The following ZNF285 variants were observed in gnomAD, a reference collection of about 807,000 sequenced individuals.
ZNF285 encodes the protein zinc finger protein 285, also known as zinc finger protein 285A.
In ZNF285, 4 loss-of-function variants were observed where a neutral mutation model predicts 6.2. The ratio of observed to expected loss-of-function variants is 0.65; its 90% CI spans 0.32 to 1.49. The LOEUF (loss-of-function observed/expected upper bound fraction) is 1.49, where lower values mean the gene tolerates loss of function less well. ZNF285 is among the 40% of genes most tolerant of loss of function. ZNF285 has a pLI of 0.07. For synonymous variants in ZNF285, 240 were observed against 245.8 expected (o/e 0.98, Z 0.22); for missense variants, 695 against 708.8 (o/e 0.98, Z 0.22).
chr19:44,396,410 C>T (rs1971281258), intron 2 of ZNF285, among the ~76,000 whole-genome samples: 1 of 152,154 alleles, frequency 6.6e-6, no homozygotes, highest in East Asian at 1.9e-4. Flanking sequence ...CTTGGCTAAG[C>T]TACAGTCCTC....
chr19:44,395,380 G>T (rs1238564511), intron 2 of ZNF285, among the ~76,000 whole-genome samples: 1 of 152,068 alleles, frequency 6.6e-6, no homozygotes, highest in Non-Finnish European at 1.5e-5. Flanking sequence ...ACCAAACTTG[G>T]TTTCTGCAAC....
chr19:44,400,720 G>A (rs1971360992), intron 1 of ZNF285, among the ~76,000 whole-genome samples: 2 of 151,940 alleles, frequency 1.3e-5, no homozygotes, highest in African/African-American at 4.8e-5. Flanking sequence ...GACTACAGGC[G>A]CCTGCCACCG....
chr19:44,397,143 T>C, intron 2 of ZNF285, 56 bp downstream of exon 2: 2 of 1,611,744 alleles, frequency 1.2e-6, no homozygotes, highest in East Asian at 4.5e-5. Context: ...AAAACAGAAG[T>C]GTCTGGTTCC....
intron 3 of ZNF285, 29 bp downstream of exon 3, chr19:44,392,311 G>T (rs1317153859): frequency 6.2e-7 from 1 of 1,613,546 alleles, no homozygotes; most frequent in South Asian, 1.1e-5. Context: ...GAGGAAACAG[G>T]TCCAGTGGTC....
chr19:44,395,915 C>A (rs1971272827), intron 2 of ZNF285, among the ~76,000 whole-genome samples: 1 of 152,122 alleles, frequency 6.6e-6, no homozygotes, highest in South Asian at 2.1e-4. Flanking sequence ...ATATCCATGG[C>A]ATTGGCTTTA....
intron 2 of ZNF285, among the ~76,000 whole-genome samples, chr19:44,394,176 C>T (rs1434643815): frequency 6.6e-6 from 1 of 151,970 alleles, no homozygotes; most frequent in Non-Finnish European, 1.5e-5. Flanking sequence ...AAACCAAACA[C>T]CACATGTTCT....
intron 2 of ZNF285, among the ~76,000 whole-genome samples, chr19:44,394,182 G>A (rs917824814): frequency 8.6e-5 from 13 of 151,750 alleles, no homozygotes; most frequent in African/African-American, 3.2e-4. Context: ...AACACCACAT[G>A]TTCTCACTCA....
At chr19:44,400,287 T>C (rs1476903146) in intron 1 of ZNF285, among the ~76,000 whole-genome samples, 1 of 147,492 alleles carries the variant, frequency 6.8e-6, no homozygotes, top group African/African-American at 2.6e-5. Context: ...GATGCCCATA[T>C]CAACTTCTTC....
chr19:44,388,449 A>G (rs1395067220), intron 3 of ZNF285, among the ~76,000 whole-genome samples: 2 of 151,074 alleles, frequency 1.3e-5, no homozygotes, highest in Admixed American at 6.6e-5. Flanking sequence ...AGTTTTGCCT[A>G]TGATCCCAGC....
rs566750935 is a variant in ZNF285, at chr19:44,387,560, G to T, written c.685C>A (p.Pro229Thr). The T allele has an allele frequency of 6.2e-6, 10 of 1,613,942 alleles. No individual in the cohort carries two copies. The East Asian group carries it at 2.2e-4, about 36-fold the overall frequency. Residue 229 changes from proline to threonine, a missense_variant, in exon 4 of 4, where the codon CCA (proline) becomes ACA (threonine). Coordinates refer to ENST00000614994, the MANE Select transcript of ZNF285 (RefSeq NM_152354.6). Reference protein sequence around the residue: ...VEKRNAAHVLPQPFPCNNCGV... With the variant: ...VEKRNAAHVLTQPFPCNNCGV... ...CAGTTATTACATGGGAAAGGCTGTG[G>T]TAATACATGGGCCGCATTACGTTTT...
At chr19:44,388,566 T>C (rs1374131577) in intron 3 of ZNF285, among the ~76,000 whole-genome samples, 1 of 151,920 alleles carries the variant, frequency 6.6e-6, no homozygotes, top group Non-Finnish European at 1.5e-5. Context: ...AGCAAGACCT[T>C]TCCACCCCCA....
chr19:44,401,357 C>G (rs1265227101), intron 1 of ZNF285: 7 of 152,154 alleles, frequency 4.6e-5, no homozygotes, highest in Admixed American at 4.6e-4. Context: ...ACCGAGCCCA[C>G]GCTCGAGCCC....
chr19:44,388,146 T>G, intron 3 of ZNF285, 44 bp from the exon 4 acceptor site: 1 of 1,567,476 alleles, frequency 6.4e-7, no homozygotes, highest in East Asian at 2.2e-5. Flanking sequence ...AAGTCAATCA[T>G]CCATCCAGAG....
At position 44,387,800 on chromosome 19, in the gene ZNF285, A is replaced by G; in HGVS notation, c.445T>C (p.Ser149Pro). Residue 149 changes from serine (S) to proline (P), a missense_variant, in exon 4 of 4, where the codon TCG becomes CCG. Physicochemically the swap from Ser to Pro is moderately conservative, Grantham distance 74. Coordinates refer to ENST00000614994, the MANE Select transcript of ZNF285 (RefSeq NM_152354.6). Reference sequence around the variant, plus strand: ...GTCATTATGTTGGCTTTCCTCCACGATTCTGGGGTAAGAACCTGTGTCAGG... The same window carrying G: ...GTCATTATGTTGGCTTTCCTCCACGGTTCTGGGGTAAGAACCTGTGTCAGG... The part of the protein sequence containing the change: ...QSLTQVLTPE[S>P]WRKANIMTEP... 1 of 1,613,844 alleles carries G rather than the reference A, an allele frequency of 6.2e-7. No homozygotes were observed. Among genetic ancestry groups the G allele is most frequent in the Non-Finnish European group, 8.5e-7 (1 of 1,179,834 alleles).
chr19:44,384,583 T>C lies in ZNF285; in HGVS notation c.*1889A>G, dbSNP rs576690559. ...GAATGGCTGTTCTGTTTACAAACTA[T>C]AACTAGCAGGAAACTGTAATGCAAG... On this transcript the variant is annotated 3_prime_UTR_variant, in exon 4 of 4. Transcript: ENST00000614994. 1.3e-5 allele frequency: 2 copies of C among 152,064 alleles called. No individual in the cohort carries two copies. The highest frequency in any genetic ancestry group is 2.1e-4 in the South Asian group (1 of 4,822). The allele number at this position is 152,064 out of a possible 1,614,324, so 9.4% of individuals were successfully genotyped here. A position where few individuals can be genotyped will look rare whatever the true frequency, so the allele number is the denominator to read the frequency against.
chr19:44,388,172 A>C (rs1357459609), intron 3 of ZNF285, 70 bp from the exon 4 acceptor site: 1 of 1,422,352 alleles, frequency 7.0e-7, no homozygotes, highest in East Asian at 2.3e-5. Context: ...GAGAAAATGT[A>C]ATATGATGGG....
At chr19:44,389,270 T>C (rs1371416864) in intron 3 of ZNF285, among the ~76,000 whole-genome samples, 1 of 152,112 alleles carries the variant, frequency 6.6e-6, no homozygotes, top group African/African-American at 2.4e-5. Context: ...GATCATATTC[T>C]TGGGATCCTA....
chr19:44,394,217 T>G (rs11881044), intron 2 of ZNF285, among the ~76,000 whole-genome samples: 13 of 151,270 alleles, frequency 8.6e-5, no homozygotes, highest in African/African-American at 3.2e-4. Flanking sequence ...ACAATGAGAA[T>G]ACATGGACAC....
chr19:44,393,227 A>G (rs1415164489), intron 2 of ZNF285, among the ~76,000 whole-genome samples: 4 of 152,182 alleles, frequency 2.6e-5, no homozygotes, highest in African/African-American at 9.7e-5. Flanking sequence ...AATAAAATAT[A>G]GACATGTGTG....
Sources: allele counts gnomAD v4.1 joint callset (sites outside exome capture counted in the v4.1 genomes callset), GRCh38; gene constraint gnomAD v4.1.1; transcripts MANE v1.5; gene names NCBI Gene and HGNC (gene_info 2026-07-23, HGNC 2026-07-21).